TJP2: variants seen among roughly 807,000 people sequenced by gnomAD.
TJP2 encodes the protein Friedreich ataxia region gene X104 (tight junction protein ZO-2).
In TJP2, 91 loss-of-function variants were observed where a neutral mutation model predicts 133.1. That is an observed-to-expected ratio of 0.68 (90% CI 0.58 to 0.81). TJP2 has a LOEUF of 0.81. TJP2 is among the 40% of genes least tolerant of loss of function. The pLI is 0.00. For missense variants in TJP2, 1,541 were observed against 1,565.6 expected (o/e 0.98, Z 0.26); for synonymous variants, 592 against 583.4 (o/e 1.01, Z -0.21).
rs540190669 is a variant in TJP2, at chr9:69,148,579, G to A, written c.-130-3072G>A. Among the ~76,000 whole-genome samples, 135 of 150,820 alleles carry A rather than the reference G, an allele frequency of 9.0e-4. 2 individuals carry two copies. The highest frequency in any genetic ancestry group is 3.1e-3 in the African/African-American group (127 of 41,072). On this transcript the variant is annotated intron_variant, in intron 1 of 5. Transcript: ENST00000423935. ...GAGATGCAGTTTTACCATGTTGGCC[G>A]GGCTAGTCTCGAACTCCTGACCCCA...
At chr9:69,212,868 GAGAAA>G (rs1828028924) in intron 2 of TJP2, among the ~76,000 whole-genome samples, 1 of 81,958 alleles carries the variant, frequency 1.2e-5, no homozygotes, top group African/African-American at 3.5e-5. Context: ...TTATGAAAGA[GAGAAA>G]AGAAAGGGAA....
intron 1 of TJP2, among the ~76,000 whole-genome samples, chr9:69,208,924 T>C (rs1250353731): frequency 6.6e-6 from 1 of 152,186 alleles, no homozygotes; most frequent in Non-Finnish European, 1.5e-5. Flanking sequence ...TTTGTTGAAA[T>C]TTGACAGCTT....
intron 22 of TJP2, 35 bp from the exon 23 acceptor site, chr9:69,254,174 G>A: frequency 6.2e-7 from 1 of 1,613,650 alleles, no homozygotes; most frequent in Non-Finnish European, 8.5e-7. Flanking sequence ...ACATGGATGT[G>A]CTCTGGAATG....
At chr9:69,140,030 T>C (rs1822946405) in intron 1 of TJP2, among the ~76,000 whole-genome samples, 1 of 152,132 alleles carries the variant, frequency 6.6e-6, no homozygotes, top group African/African-American at 2.4e-5. Context: ...TCAAACACCC[T>C]CAGAGCTGCC....
chr9:69,217,975 C>T (rs1431549526), intron 3 of TJP2, among the ~76,000 whole-genome samples: 4 of 152,112 alleles, frequency 2.6e-5, no homozygotes, highest in African/African-American at 7.2e-5. Context: ...CAGACCTCAC[C>T]GTCATCAAGT....
At chr9:69,182,673 A>C (rs1200713463) in intron 1 of TJP2, among the ~76,000 whole-genome samples, 1 of 152,136 alleles carries the variant, frequency 6.6e-6, no homozygotes, top group Non-Finnish European at 1.5e-5. Context: ...GACCTCTGTT[A>C]CAAGTCTGCT....
chr9:69,132,375 T>C (rs981008270), intron 1 of TJP2, among the ~76,000 whole-genome samples: 1 of 152,216 alleles, frequency 6.6e-6, no homozygotes, highest in Non-Finnish European at 1.5e-5. Flanking sequence ...AGGCTTGCTA[T>C]GTTACCTTTT....
intron 22 of TJP2, 117 bp downstream of exon 22, chr9:69,253,017 A>G: frequency 1.1e-6 from 1 of 904,154 alleles, no homozygotes; most frequent in Non-Finnish European, 1.8e-6. Flanking sequence ...TTCCCCACAG[A>G]TTGACTGTTT....
At chr9:69,143,531 T>G (rs1320271470) in intron 1 of TJP2, among the ~76,000 whole-genome samples, 1 of 152,220 alleles carries the variant, frequency 6.6e-6, no homozygotes, top group African/African-American at 2.4e-5. Context: ...AAGTTCAGCC[T>G]ATAAAAGAAT....
At chr9:69,206,796 C>T (rs1827455854) in intron 1 of TJP2, among the ~76,000 whole-genome samples, 1 of 152,176 alleles carries the variant, frequency 6.6e-6, no homozygotes, top group African/African-American at 2.4e-5. Flanking sequence ...TCAGTATGGT[C>T]TTGATCTCCT....
chr9:69,174,408 G>T lies in TJP2; in HGVS notation c.36G>T (p.Arg12=). ...PVRGDRGFPP[R]RELSGWLRAP... ...GAGGAGACCGCGGGTTTCCACCCCG[G>T]CGGGAGCTGTCAGGTTGGCTCCGCG... Residue 12 remains arginine, a synonymous_variant, in exon 1 of 23, where the codon CGG becomes CGT. Transcript: ENST00000377245. 1 of 1,551,908 alleles carries T rather than the reference G, an allele frequency of 6.4e-7. No individual in the cohort carries two copies. Among genetic ancestry groups the T allele is most frequent in the Non-Finnish European group, 8.7e-7 (1 of 1,147,156 alleles).
intron 1 of TJP2, among the ~76,000 whole-genome samples, chr9:69,135,359 A>C (rs892920852): frequency 9.2e-5 from 14 of 152,210 alleles, no homozygotes; most frequent in Admixed American, 5.2e-4. Flanking sequence ...CAGGCCCTGA[A>C]GAATTTAAGT....
At position 69,251,485 on chromosome 9, in the gene TJP2, C is replaced by T. The variant is rs1286583196; in HGVS notation, c.3321+121C>T. 25 of 1,057,368 alleles carry T rather than the reference C, an allele frequency of 2.4e-5. No individual in the cohort carries two copies. The South Asian group carries it at 3.1e-4, about 13-fold the overall frequency. The allele number at this position is 1,057,368 out of a possible 1,614,324, so 65.5% of individuals were successfully genotyped here. On this transcript the variant is annotated intron_variant, in intron 21 of 22. Transcript: ENST00000377245. ...TGGCAGGGATGCACTGCACCAAAGG[C>T]AGGTGCTGTGTATGTCACTTCAGAT...
upstream of TJP2, among the ~76,000 whole-genome samples, chr9:69,171,433 T>C (rs1266463370): frequency 6.6e-6 from 1 of 152,136 alleles, no homozygotes; most frequent in Non-Finnish European, 1.5e-5. Context: ...ATCTTTATAC[T>C]TGCCTGGGCA....
chr9:69,139,389 T>G (rs4592105), intron 1 of TJP2, among the ~76,000 whole-genome samples: 66,781 of 152,006 alleles, frequency 0.44, 14,825 homozygotes, highest in East Asian at 0.62. Flanking sequence ...ATGAGATCAT[T>G]AAGGTGGCCC....
At chr9:69,232,057 A>G (rs534726774) in intron 11 of TJP2, among the ~76,000 whole-genome samples, 1 of 152,266 alleles carries the variant, frequency 6.6e-6, no homozygotes, top group South Asian at 2.1e-4. Flanking sequence ...ACCTCTCTGT[A>G]AGTTGTTGTT....
intron 5 of TJP2, among the ~76,000 whole-genome samples, chr9:69,222,294 A>G (rs890707376): frequency 8.6e-5 from 13 of 151,152 alleles, no homozygotes; most frequent in African/African-American, 2.9e-4. Context: ...CTCCTGCCTC[A>G]GTCTCCGAAG....
intron 1 of TJP2, chr9:69,205,396 G>A: frequency 4.2e-6 from 6 of 1,413,590 alleles, no homozygotes; most frequent in Non-Finnish European, 5.6e-6. Context: ...GTAGTCACTG[G>A]TGGGTTTTTA....
chr9:69,221,383 G>T lies in TJP2; in HGVS notation c.839G>T (p.Arg280Leu), dbSNP rs1354655431. ...GGGGCCCGCCACGATGCCCGCTCTC[G>T]GGGACCCCGAAGCCGCAGCCGCGAG... The part of the protein sequence containing the change: ...RRGARHDARS[R>L]GPRSRSREHP... The change falls in exon 5 of 23, where the codon CGG becomes CTG. Residue 280 changes from arginine (R) to leucine (L), a missense_variant. Transcript: ENST00000377245. 2.5e-6 allele frequency: 4 copies of T among 1,581,530 alleles called. No individual in the cohort carries two copies. The highest frequency in any genetic ancestry group is 3.4e-6 in the Non-Finnish European group (4 of 1,164,630).
Sources: allele counts gnomAD v4.1 joint callset (sites outside exome capture counted in the v4.1 genomes callset), GRCh38; gene constraint gnomAD v4.1.1; transcripts MANE v1.5; gene names NCBI Gene and HGNC (gene_info 2026-07-23, HGNC 2026-07-21).